The following SLTM variants were observed in gnomAD, a reference collection of about 807,000 sequenced individuals.
SLTM encodes SAFB-like transcription modulator.
Under a neutral mutation model 134.6 loss-of-function variants are expected in SLTM, and 43 were observed. The observed-to-expected ratio is 0.32, with a 90% CI of 0.25 to 0.41. SLTM has a LOEUF of 0.41. Ranked by LOEUF, SLTM falls within the 10% of genes least tolerant of loss-of-function variation. SLTM has a pLI of 1.00. For missense variants in SLTM, 1,055 were observed against 1,288.8 expected, an observed-to-expected ratio of 0.82 and a Z score of 2.78; for synonymous variants, 424 against 432.3, an observed-to-expected ratio of 0.98 and a Z score of 0.24.
intron 2 of SLTM, among the ~76,000 whole-genome samples, chr15:58,917,327 T>C (rs766248691): frequency 1.3e-5 from 2 of 152,228 alleles, no homozygotes; most frequent in African/African-American, 4.8e-5. Flanking sequence ...TTCAATGGCA[T>C]TCTACTAACT....
chr15:58,922,903 A>T (rs923728503), intron 2 of SLTM, among the ~76,000 whole-genome samples: 1 of 151,720 alleles, frequency 6.6e-6, no homozygotes, highest in Admixed American at 6.6e-5. Flanking sequence ...TTTAGTAGAG[A>T]TGGGGTTTCA....
chr15:58,893,154 A>G, intron 13 of SLTM, 94 bp from the exon 14 acceptor site: 1 of 1,401,892 alleles, frequency 7.1e-7, no homozygotes. Flanking sequence ...TCAAATGACT[A>G]GTAACATTTC....
chr15:58,922,637 T>C (rs1242367442), intron 2 of SLTM, among the ~76,000 whole-genome samples: 1 of 147,004 alleles, frequency 6.8e-6, no homozygotes, highest in African/African-American at 2.5e-5. Context: ...ATAAAATATA[T>C]ATTATATATT....
intron 2 of SLTM, among the ~76,000 whole-genome samples, chr15:58,920,627 T>TAATAAATA (rs71119418): frequency 0.18 from 25,260 of 139,478 alleles, 2,413 homozygotes; most frequent in East Asian, 0.23. Flanking sequence ...CATCTCAAAA[T>TAATAAATA]AATAAATAAA....
chr15:58,902,794 G>T (rs1226511533), intron 5 of SLTM, among the ~76,000 whole-genome samples: 7 of 151,708 alleles, frequency 4.6e-5, no homozygotes, highest in African/African-American at 1.7e-4. Flanking sequence ...CATGATCTCA[G>T]CTCACTGCAA....
At chr15:58,901,027 A>G (rs775818363) in intron 6 of SLTM, 153 of 420,246 alleles carry the variant, frequency 3.6e-4, no homozygotes, top group Non-Finnish European at 4.3e-4. Flanking sequence ...AAAAAATAGC[A>G]TTGTTCACTA....
chr15:58,899,653 T>C lies in SLTM; in HGVS notation c.874A>G (p.Lys292Glu). The C allele has an allele frequency of 6.2e-7, 1 of 1,614,214 alleles. No individual in the cohort carries two copies. The highest frequency in any genetic ancestry group is 1.6e-4 in the Middle Eastern group (1 of 6,062). The change falls in exon 7 of 21, where the codon AAG becomes GAG. Residue 292 changes from lysine (K) to glutamate (E), a missense_variant. Transcript: ENST00000380516. The surrounding 1 kb of genome is among the most constrained non-coding windows in gnomAD (Gnocchi z 5.0). ...GQDAIAQSPE[K>E]ESKDYEMNAN... Reference sequence around the variant, plus strand: ...TTCATCTCATAATCCTTGCTTTCCTTCTCCGGGCTCTGTGCAATGGCGTCC... The same window carrying C: ...TTCATCTCATAATCCTTGCTTTCCTCCTCCGGGCTCTGTGCAATGGCGTCC...
At chr15:58,904,170 AT>A (rs1197636095) in intron 5 of SLTM, among the ~76,000 whole-genome samples, 1 of 151,848 alleles carries the variant, frequency 6.6e-6, no homozygotes, top group Non-Finnish European at 1.5e-5. Context: ...CACCTGGCTA[AT>A]TTTTTTGATA....
At chr15:58,898,338 T>C (rs762154152) in intron 8 of SLTM, 1 of 152,448 alleles carries the variant, frequency 6.6e-6, no homozygotes, top group Non-Finnish European at 1.5e-5. Flanking sequence ...AGAAAGCAAC[T>C]AAATATTGCA....
intron 3 of SLTM, 71 bp from the exon 4 acceptor site, chr15:58,913,767 T>C: frequency 8.8e-7 from 1 of 1,132,692 alleles, no homozygotes; most frequent in Middle Eastern, 2.0e-4. Context: ...ACGTTTTTGG[T>C]AATTTACACC....
intron 14 of SLTM, among the ~76,000 whole-genome samples, chr15:58,892,073 T>A (rs948426950): frequency 6.6e-6 from 1 of 152,252 alleles, no homozygotes; most frequent in South Asian, 2.1e-4. Context: ...TTGTACAGAA[T>A]AATCTAAGTT....
At chr15:58,890,126 A>G in intron 15 of SLTM, 155 bp downstream of exon 15, 1 of 758,056 alleles carries the variant, frequency 1.3e-6, no homozygotes, top group Admixed American at 2.7e-5. Flanking sequence ...TTTAACTAGT[A>G]CCTAATTCAC....
chr15:58,915,621 T>C (rs2036580568), intron 3 of SLTM, among the ~76,000 whole-genome samples: 2 of 152,260 alleles, frequency 1.3e-5, no homozygotes, highest in South Asian at 2.1e-4. Context: ...TCATCAATTT[T>C]AACGGATCCC....
intron 10 of SLTM, 119 bp downstream of exon 10, chr15:58,894,314 A>C: frequency 6.9e-7 from 1 of 1,448,856 alleles, no homozygotes; most frequent in Non-Finnish European, 9.5e-7. Flanking sequence ...AGTAAAAACT[A>C]CAAATACATA....
intron 14 of SLTM, 118 bp from the exon 15 acceptor site, chr15:58,890,579 G>T (rs1362431957): frequency 2.0e-6 from 2 of 1,000,058 alleles, no homozygotes; most frequent in African/African-American, 3.3e-5. Flanking sequence ...CTCAATCTAA[G>T]TAGTTTTAAT....
intron 20 of SLTM, among the ~76,000 whole-genome samples, chr15:58,883,085 C>T (rs1281463561): frequency 6.6e-6 from 1 of 152,188 alleles, no homozygotes; most frequent in Non-Finnish European, 1.5e-5. Flanking sequence ...GAGGCCAAGG[C>T]AGGCGGATCC....
chr15:58,886,484 C>T (rs1380541312), intron 19 of SLTM, among the ~76,000 whole-genome samples: 1 of 151,984 alleles, frequency 6.6e-6, no homozygotes, highest in Non-Finnish European at 1.5e-5. Flanking sequence ...CCAGGCTAGT[C>T]TGAAATTCCT....
chr15:58,884,839 T>C (rs555996965), intron 19 of SLTM, among the ~76,000 whole-genome samples: 17 of 152,076 alleles, frequency 1.1e-4, no homozygotes, highest in African/African-American at 3.4e-4. Context: ...CTCACTATAT[T>C]GTCCAAGCTC....
chr15:58,886,925 C>T (rs752844886), intron 19 of SLTM, 50 bp downstream of exon 19: 3 of 1,608,518 alleles, frequency 1.9e-6, no homozygotes, highest in South Asian at 1.1e-5. Flanking sequence ...GCTCATGAAT[C>T]CTCTAAATGT....
Sources: allele counts gnomAD v4.1 joint callset (sites outside exome capture counted in the v4.1 genomes callset), GRCh38; gene constraint gnomAD v4.1.1; non-coding constraint Gnocchi (gnomAD v3.1); transcripts MANE v1.5; gene names NCBI Gene and HGNC (gene_info 2026-07-23, HGNC 2026-07-21).